The following ATP11A variants were observed in gnomAD, a reference collection of about 807,000 sequenced individuals.
The protein encoded by ATP11A is ATPase phospholipid transporting 11A, also known as phospholipid-transporting ATPase IH.
Under a neutral mutation model 154.4 loss-of-function variants are expected in ATP11A, and 81 were observed. The observed-to-expected ratio is 0.52, with a 90% confidence interval of 0.44 to 0.63. The LOEUF is 0.63. ATP11A is among the 30% of genes least tolerant of loss of function. The pLI is 0.00. For synonymous variants in ATP11A, 623 were observed against 585.9 expected (o/e 1.06, Z -0.91); for missense variants, 1,316 against 1,474.3 (o/e 0.89, Z 1.76).
rs1477505725 is a variant in ATP11A, at chr13:112,859,227, G to T, written c.2668-166G>T. On this transcript the variant is annotated intron_variant, in intron 22 of 29. Transcript: ENST00000375645. This position sits in a 1 kb window ranked among gnomAD's most constrained non-coding sequence, Gnocchi z 4.3. ...AAAACGTGGTCACATGTGCATTTCA[G>T]TTGCCCCTGAAATAAGAGAAAGCTT... 3 of 660,212 alleles carry T rather than the reference G, an allele frequency of 4.5e-6. No individual in the cohort carries two copies. The highest frequency in any genetic ancestry group is 1.8e-5 in the African/African-American group (1 of 56,280). 40.9% of individuals were successfully genotyped at this position (660,212 alleles called of 1,614,324 possible).
chr13:112,706,576 A>G (rs903953175), intron 1 of ATP11A, among the ~76,000 whole-genome samples: 1 of 152,238 alleles, frequency 6.6e-6, no homozygotes, highest in Non-Finnish European at 1.5e-5. Context: ...CATTTCTTTT[A>G]CTATCTAAGA....
At chr13:112,758,246 G>C (rs2076887014) in intron 1 of ATP11A, among the ~76,000 whole-genome samples, 2 of 151,634 alleles carry the variant, frequency 1.3e-5, no homozygotes, top group Non-Finnish European at 2.9e-5. Flanking sequence ...ATTTTTAGTA[G>C]AGACAGGGTT....
intron 2 of ATP11A, among the ~76,000 whole-genome samples, chr13:112,798,322 G>A (rs1464851276): frequency 6.6e-6 from 1 of 152,124 alleles, no homozygotes; most frequent in Non-Finnish European, 1.5e-5. Flanking sequence ...TTTTAGAGAC[G>A]TGATCTCACC....
intron 11 of ATP11A, among the ~76,000 whole-genome samples, chr13:112,826,407 G>A (rs184903961): frequency 1.8e-4 from 28 of 152,300 alleles, no homozygotes; most frequent in Admixed American, 3.9e-4. Context: ...TCTGGTTGGC[G>A]TGTCTCCTGT....
chr13:112,878,368 C>T, intron 29 of ATP11A, 65 bp downstream of exon 29: 1 of 1,546,720 alleles, frequency 6.5e-7, no homozygotes, highest in Non-Finnish European at 8.9e-7. Flanking sequence ...CCATGCCCAT[C>T]ACCAGAGCCC....
chr13:112,790,834 C>T (rs947189613), intron 2 of ATP11A, among the ~76,000 whole-genome samples: 1 of 152,180 alleles, frequency 6.6e-6, no homozygotes, highest in African/African-American at 2.4e-5. Flanking sequence ...GAAAAGGTCA[C>T]CTTTTCAAAG....
chr13:112,831,286 C>A, intron 12 of ATP11A, 89 bp from the exon 13 acceptor site: 10 of 1,422,302 alleles, frequency 7.0e-6, no homozygotes, highest in Non-Finnish European at 9.7e-6. Flanking sequence ...ACAGTGGGAG[C>A]TGGGGAGGAA....
At chr13:112,846,491 C>T (rs1186587974) in intron 17 of ATP11A, among the ~76,000 whole-genome samples, 1 of 152,202 alleles carries the variant, frequency 6.6e-6, no homozygotes. Context: ...TCCTCATGCC[C>T]CTACTTAACA....
At chr13:112,839,974 T>G (rs2079349589) in intron 16 of ATP11A, among the ~76,000 whole-genome samples, 1 of 152,122 alleles carries the variant, frequency 6.6e-6, no homozygotes, top group Non-Finnish European at 1.5e-5. Flanking sequence ...GGCTCTGACA[T>G]CGATTGGGTA....
intron 6 of ATP11A, among the ~76,000 whole-genome samples, chr13:112,817,116 CATTA>C (rs780069981): frequency 2.0e-5 from 3 of 152,148 alleles, no homozygotes; most frequent in Non-Finnish European, 4.4e-5. Context: ...GATATAGCAC[CATTA>C]ATTTTAAGAT....
At chr13:112,846,407 A>G (rs1030668224) in intron 17 of ATP11A, among the ~76,000 whole-genome samples, 10 of 151,844 alleles carry the variant, frequency 6.6e-5, no homozygotes, top group African/African-American at 2.4e-4. Context: ...ACCTGTCAGC[A>G]CCCCACGCAG....
At chr13:112,844,948 G>A (rs1003803183) in intron 17 of ATP11A, among the ~76,000 whole-genome samples, 19 of 151,024 alleles carry the variant, frequency 1.3e-4, no homozygotes, top group Non-Finnish European at 2.1e-4. Flanking sequence ...TCCAGTTGCC[G>A]GGCACTAGCA....
chr13:112,816,244 G>T, intron 6 of ATP11A, 33 bp downstream of exon 6: 2 of 1,613,830 alleles, frequency 1.2e-6, no homozygotes, highest in Non-Finnish European at 8.5e-7. Context: ...TCCAGGGCAG[G>T]ATCTTCCTGT....
intron 1 of ATP11A, among the ~76,000 whole-genome samples, chr13:112,730,583 C>T (rs924618477): frequency 6.6e-6 from 1 of 152,250 alleles, no homozygotes; most frequent in Non-Finnish European, 1.5e-5. Context: ...CACCGGGTGC[C>T]TGCGCAGGTG....
At position 112,838,562 on chromosome 13, in the gene ATP11A, C is replaced by T. The variant is rs371276799; in HGVS notation, c.1705+2311C>T. 9.8e-5 allele frequency among the ~76,000 whole-genome samples: 15 copies of T among 152,314 alleles called. No homozygotes were observed. Among genetic ancestry groups the T allele is most frequent in the African/African-American group, 3.6e-4 (15 of 41,576 alleles). On this transcript the variant is annotated intron_variant, in intron 16 of 29. Transcript: ENST00000375645. The surrounding 1 kb of genome is among the most constrained non-coding windows in gnomAD (Gnocchi z 7.3). ...ACACGCTCACAAGGGGTTTTTGCTGCATCCTGAATGCCCAAGACCTCAGGG... is the reference window on the plus strand; with the variant it reads ...ACACGCTCACAAGGGGTTTTTGCTGTATCCTGAATGCCCAAGACCTCAGGG...
intron 25 of ATP11A, among the ~76,000 whole-genome samples, chr13:112,866,764 C>CGTT (rs74513584): frequency 2.0e-5 from 3 of 148,914 alleles, no homozygotes; most frequent in Non-Finnish European, 4.5e-5. Context: ...TCCTGTGCAC[C>CGTT]ATTTACCTGC....
At chr13:112,731,213 C>T (rs138100071) in intron 1 of ATP11A, among the ~76,000 whole-genome samples, 2,075 of 152,242 alleles carry the variant, frequency 0.014, 27 homozygotes, top group Middle Eastern at 0.034. Context: ...CAGTGATCCG[C>T]CTGCCTTAGC....
chr13:112,761,351 A>G lies in ATP11A; in HGVS notation c.40-23784A>G, dbSNP rs547617947. On this transcript the variant is annotated intron_variant, in intron 1 of 29. Transcript: ENST00000375645. Reference sequence around the variant, plus strand: ...CTCAGCAATCTCAGGAGATGTTGTTATGTTGCCAAGATCTCCAGTCAGATG... The same window carrying G: ...CTCAGCAATCTCAGGAGATGTTGTTGTGTTGCCAAGATCTCCAGTCAGATG... Among the ~76,000 whole-genome samples the G allele has an allele frequency of 2.0e-4, 31 of 152,340 alleles. 1 individual carries two copies. In the South Asian group the frequency reaches 6.4e-3, roughly 32 times the overall value.
At chr13:112,699,413 G>A (rs552175319) in intron 1 of ATP11A, among the ~76,000 whole-genome samples, 4 of 152,230 alleles carry the variant, frequency 2.6e-5, no homozygotes, top group South Asian at 2.1e-4. Flanking sequence ...CAGTTGAGAC[G>A]ATAAAATAAG....
Sources: gnomAD v4.1 joint callset for allele counts (sites outside exome capture counted in the v4.1 genomes callset) on GRCh38, gnomAD v4.1.1 for gene constraint, Gnocchi (gnomAD v3.1) non-coding constraint, MANE v1.5 for transcripts, NCBI Gene and HGNC (gene_info 2026-07-23, HGNC 2026-07-21) for gene names.